Variants in ANKS1B observed in about 807,000 individuals in gnomAD.
ANKS1B encodes ankyrin repeat and sterile alpha motif domain containing 1B.
In ANKS1B, 36 loss-of-function variants were observed where a neutral mutation model predicts 148.3. The observed-to-expected ratio is 0.24, with a 90% CI of 0.19 to 0.32. The LOEUF is 0.32. ANKS1B is among the 10% of genes least tolerant of loss of function. ANKS1B has a pLI of 1.00. For missense variants in ANKS1B, 1,157 were observed against 1,542.6 expected, an observed-to-expected ratio of 0.75 and a Z score of 4.19; for synonymous variants, 542 against 560.8, an observed-to-expected ratio of 0.97 and a Z score of 0.47.
At chr12:99,003,145 T>C (rs2099934030) in intron 17 of ANKS1B, among the ~76,000 whole-genome samples, 1 of 152,192 alleles carries the variant, frequency 6.6e-6, no homozygotes, top group Admixed American at 6.5e-5. Flanking sequence ...ATTGATCATA[T>C]ATACGTGGGT....
At chr12:99,288,466 T>C (rs1423891356) in intron 12 of ANKS1B, among the ~76,000 whole-genome samples, 1 of 151,982 alleles carries the variant, frequency 6.6e-6, no homozygotes, top group Non-Finnish European at 1.5e-5. Flanking sequence ...TAAGAAAACA[T>C]CTGAACATAC....
At chr12:99,297,137 A>T (rs1276654731) in intron 12 of ANKS1B, among the ~76,000 whole-genome samples, 1 of 152,204 alleles carries the variant, frequency 6.6e-6, no homozygotes, top group African/African-American at 2.4e-5. Flanking sequence ...AACATTACAC[A>T]GATAAAAGGC....
At chr12:99,781,508 C>A (rs2064325364) in intron 5 of ANKS1B, among the ~76,000 whole-genome samples, 2 of 152,136 alleles carry the variant, frequency 1.3e-5, no homozygotes, top group African/African-American at 4.8e-5. Flanking sequence ...CAAAGCACTC[C>A]CTTTAAAAGG....
intron 22 of ANKS1B, among the ~76,000 whole-genome samples, chr12:98,793,309 G>A (rs1297534137): frequency 1.3e-5 from 2 of 151,948 alleles, no homozygotes; most frequent in African/African-American, 4.8e-5. Flanking sequence ...GTCTATTCTG[G>A]TCATTTGCCC....
At chr12:98,947,655 TAAAATA>T (rs1257998062) in intron 17 of ANKS1B, among the ~76,000 whole-genome samples, 1 of 152,206 alleles carries the variant, frequency 6.6e-6, no homozygotes, top group Admixed American at 6.5e-5. Flanking sequence ...TCCCCCTACT[TAAAATA>T]TTTTCCTTGG....
At chr12:99,781,913 A>C in intron 5 of ANKS1B, 109 bp downstream of exon 5, 1 of 912,974 alleles carries the variant, frequency 1.1e-6, no homozygotes, top group South Asian at 1.7e-5. Context: ...TTTTAGAGTA[A>C]AGGCAAGAGG....
chr12:99,540,050 C>T (rs1311216735), intron 9 of ANKS1B, among the ~76,000 whole-genome samples: 2 of 151,836 alleles, frequency 1.3e-5, no homozygotes, highest in African/African-American at 4.8e-5. Flanking sequence ...TGAGACAAAA[C>T]TTGTCACTAG....
chr12:98,790,490 A>G (rs1412057057), intron 22 of ANKS1B, among the ~76,000 whole-genome samples: 1 of 151,546 alleles, frequency 6.6e-6, no homozygotes, highest in African/African-American at 2.4e-5. Flanking sequence ...GCTTAAAAAC[A>G]GTATTTTTTT....
At chr12:99,313,446 C>T (rs1185896362) in intron 12 of ANKS1B, among the ~76,000 whole-genome samples, 11 of 152,240 alleles carry the variant, frequency 7.2e-5, no homozygotes, top group African/African-American at 2.2e-4. Flanking sequence ...ATACCAAAAC[C>T]GGGCAGAGAC....
chr12:98,937,896 G>GAC, intron 17 of ANKS1B, among the ~76,000 whole-genome samples: 1 of 24,870 alleles, frequency 4.0e-5, no homozygotes, highest in Middle Eastern at 0.062. Flanking sequence ...ATGGCAGCAG[G>GAC]AGAGAGAGAG....
chr12:99,884,830 C>A (rs2115571), intron 1 of ANKS1B, among the ~76,000 whole-genome samples: 122,174 of 152,018 alleles, frequency 0.8, 49,657 homozygotes, highest in East Asian at 0.98. Context: ...GGTGGTTACA[C>A]GATTACATAT....
At chr12:98,794,835 G>C in intron 22 of ANKS1B, 2 of 1,600,198 alleles carry the variant, frequency 1.2e-6, no homozygotes, top group Non-Finnish European at 1.7e-6. Flanking sequence ...AAGAGCTACA[G>C]AAAGTTCAGG....
chr12:99,737,300 G>A (rs1029271808), intron 8 of ANKS1B, among the ~76,000 whole-genome samples: 3 of 151,978 alleles, frequency 2.0e-5, no homozygotes, highest in African/African-American at 4.8e-5. Context: ...GCCCATCAAC[G>A]GATGAATGGA....
intron 2 of ANKS1B, among the ~76,000 whole-genome samples, chr12:99,822,384 G>A (rs1227530209): frequency 6.6e-6 from 1 of 151,930 alleles, no homozygotes; most frequent in Non-Finnish European, 1.5e-5. Flanking sequence ...CTGAGGTTTG[G>A]GATACAATTT....
chr12:98,747,775 T>C (rs183098729), intron 26 of ANKS1B, among the ~76,000 whole-genome samples: 2 of 152,274 alleles, frequency 1.3e-5, no homozygotes, highest in Admixed American at 1.3e-4. Flanking sequence ...TATTCAGCCA[T>C]AAAAAGAATG....
chr12:99,955,480 G>A (rs12818099), intron 1 of ANKS1B, among the ~76,000 whole-genome samples: 16,488 of 107,536 alleles, frequency 0.15, 1,359 homozygotes, highest in Middle Eastern at 0.34. Context: ...GCGACAGAGC[G>A]AAACTCCGTC....
chr12:99,612,057 T>G (rs932314482), intron 9 of ANKS1B, among the ~76,000 whole-genome samples: 1 of 151,898 alleles, frequency 6.6e-6, no homozygotes, highest in East Asian at 1.9e-4. Flanking sequence ...TAGAGCAAAA[T>G]TGTCAGTTAA....
chr12:99,559,515 G>T (rs147514413), intron 9 of ANKS1B, among the ~76,000 whole-genome samples: 1 of 151,982 alleles, frequency 6.6e-6, no homozygotes, highest in Non-Finnish European at 1.5e-5. Flanking sequence ...AATATTACTC[G>T]TTCCAGTTGC....
At chr12:99,017,776 T>C (rs2099943416) in intron 17 of ANKS1B, among the ~76,000 whole-genome samples, 1 of 152,154 alleles carries the variant, frequency 6.6e-6, no homozygotes, top group South Asian at 2.1e-4. Flanking sequence ...TCCACTGCAA[T>C]ACTGTGGTCT....
Sources: allele counts gnomAD v4.1 joint callset (sites outside exome capture counted in the v4.1 genomes callset), GRCh38; gene constraint gnomAD v4.1.1; transcripts MANE v1.5; gene names NCBI Gene and HGNC (gene_info 2026-07-23, HGNC 2026-07-21).